AVEN: variants seen among roughly 807,000 people sequenced by gnomAD.
AVEN encodes the protein apoptosis and caspase activation inhibitor, also known as cell death regulator Aven.
Under a neutral mutation model 38.1 loss-of-function variants are expected in AVEN, and 41 were observed. The observed-to-expected ratio is 1.08, with a 90% CI of 0.84 to 1.40. The LOEUF is 1.40. Ranked by LOEUF, AVEN falls within the 40% of genes most tolerant of loss-of-function variation. The probability of loss-of-function intolerance (pLI) is 0.00; values close to 1 mark genes in which losing one functional copy is unlikely to be tolerated. For synonymous variants in AVEN, 206 were observed against 171.8 expected, an observed-to-expected ratio of 1.20 and a Z score of -1.56; for missense variants, 605 against 438.8, an observed-to-expected ratio of 1.38 and a Z score of -3.38.
At chr15:33,928,391 G>C (rs1893709398) in intron 2 of AVEN, among the ~76,000 whole-genome samples, 1 of 152,096 alleles carries the variant, frequency 6.6e-6, no homozygotes, top group Admixed American at 6.5e-5. Flanking sequence ...GAAAGCAAGG[G>C]ATCAATCTCT....
At chr15:34,037,179 C>T (rs1358165158) in intron 1 of AVEN, among the ~76,000 whole-genome samples, 1 of 151,822 alleles carries the variant, frequency 6.6e-6, no homozygotes, top group Non-Finnish European at 1.5e-5. Flanking sequence ...AAAACAGAAG[C>T]ACCTTCACTC....
intron 1 of AVEN, among the ~76,000 whole-genome samples, chr15:34,021,244 C>T (rs1263641410): frequency 6.6e-6 from 1 of 151,618 alleles, no homozygotes; most frequent in Non-Finnish European, 1.5e-5. Flanking sequence ...GTAGCTTAGG[C>T]TACAGGCACA....
intron 1 of AVEN, among the ~76,000 whole-genome samples, chr15:34,037,521 TTA>T (rs1899202631): frequency 6.7e-6 from 1 of 149,158 alleles, no homozygotes; most frequent in Admixed American, 6.7e-5. Flanking sequence ...TTACATACTA[TTA>T]TATTACATAA....
chr15:33,956,592 C>T (rs1184353266), intron 2 of AVEN, among the ~76,000 whole-genome samples: 3 of 152,274 alleles, frequency 2.0e-5, no homozygotes, highest in African/African-American at 4.8e-5. Context: ...CCTATCTCCC[C>T]TGCCCACACA....
chr15:34,016,427 A>T (rs1385082987), intron 1 of AVEN, among the ~76,000 whole-genome samples: 1 of 152,144 alleles, frequency 6.6e-6, no homozygotes, highest in Non-Finnish European at 1.5e-5. Context: ...TCACCTGGTC[A>T]ATTATCTGCT....
At chr15:33,867,346 A>T in intron 5 of AVEN, 149 bp downstream of exon 5, 1 of 1,165,628 alleles carries the variant, frequency 8.6e-7, no homozygotes, top group Non-Finnish European at 1.2e-6. Context: ...AGGGGGAAGC[A>T]GAGACGTGAG....
chr15:33,961,729 C>T (rs542835460), intron 2 of AVEN, among the ~76,000 whole-genome samples: 249 of 139,728 alleles, frequency 1.8e-3, no homozygotes, highest in Non-Finnish European at 2.9e-3. Context: ...AGGAGAATGG[C>T]GTGAACCCGG....
At chr15:33,979,810 G>A (rs2632086) in intron 2 of AVEN, among the ~76,000 whole-genome samples, 123,457 of 152,166 alleles carry the variant, frequency 0.81, 54,962 homozygotes, top group Non-Finnish European at 0.98. Flanking sequence ...AGCTCCAGTG[G>A]TCAAGAAAAA....
intron 2 of AVEN, among the ~76,000 whole-genome samples, chr15:33,983,336 T>C (rs550572917): frequency 5.9e-5 from 9 of 151,910 alleles, no homozygotes; most frequent in Non-Finnish European, 1.0e-4. Flanking sequence ...AAATCAATTA[T>C]TGATGTTTCA....
chr15:33,980,590 T>C (rs1024856243), intron 2 of AVEN, among the ~76,000 whole-genome samples: 4 of 149,880 alleles, frequency 2.7e-5, no homozygotes, highest in African/African-American at 9.8e-5. Flanking sequence ...ATGAGTATAT[T>C]AAAGCCTTGG....
At chr15:33,855,385 G>A (rs932464850), downstream of AVEN, among the ~76,000 whole-genome samples, 1 of 152,148 alleles carries the variant, frequency 6.6e-6, no homozygotes, top group African/African-American at 2.4e-5. Context: ...TGTATTTTTA[G>A]TAGAGACGGG....
At chr15:34,018,738 G>A (rs565747865) in intron 1 of AVEN, among the ~76,000 whole-genome samples, 4 of 152,186 alleles carry the variant, frequency 2.6e-5, no homozygotes, top group Non-Finnish European at 5.9e-5. Flanking sequence ...CCCTGCCCAC[G>A]TCCTACTGAT....
rs796303251 is a variant in AVEN, at chr15:33,914,837, C to T, written c.446-38842G>A. On this transcript the variant is annotated intron_variant, in intron 2 of 5. Coordinates refer to ENST00000306730, the MANE Select transcript of AVEN (RefSeq NM_020371.3). ...ATATCAGTATATGTACATATATGTA[C>T]ACATAAATGTATTCCTTAGCTCTCA... Among the ~76,000 whole-genome samples the T allele has an allele frequency of 1.1e-4, 16 of 151,936 alleles. 1 individual carries two copies. Among genetic ancestry groups the T allele is most frequent in the African/African-American group, 3.9e-4 (16 of 41,424 alleles).
intron 2 of AVEN, among the ~76,000 whole-genome samples, chr15:33,890,649 AT>A (rs1247363061): frequency 2.0e-5 from 3 of 152,202 alleles, no homozygotes; most frequent in Non-Finnish European, 4.4e-5. Flanking sequence ...GGAGAAAAAA[AT>A]GGCAGAGATC....
chr15:33,854,995 C>T (rs762407579), downstream of AVEN: 2 of 1,324,696 alleles, frequency 1.5e-6, no homozygotes, highest in Non-Finnish European at 2.0e-6. Context: ...CAGTATATGA[C>T]AGGAAGGAAT....
chr15:33,862,573 A>G (rs1298194770), downstream of AVEN, among the ~76,000 whole-genome samples: 1 of 152,194 alleles, frequency 6.6e-6, no homozygotes, highest in Non-Finnish European at 1.5e-5. Flanking sequence ...TGGCAAAGAT[A>G]ACATGTTTTT....
intron 11 of AVEN, chr15:33,860,701 TC>T (rs1362967059): frequency 1.5e-6 from 2 of 1,360,256 alleles, no homozygotes; most frequent in Non-Finnish European, 2.0e-6. Flanking sequence ...TATTTTAATA[TC>T]CCCAGAAGCA....
chr15:33,979,664 T>G (rs1896049713), intron 2 of AVEN, among the ~76,000 whole-genome samples: 1 of 152,220 alleles, frequency 6.6e-6, no homozygotes, highest in African/African-American at 2.4e-5. Flanking sequence ...GTTTTCAGAA[T>G]GAACATTCTA....
chr15:33,976,292 A>G (rs1296174146), intron 2 of AVEN, among the ~76,000 whole-genome samples: 2 of 152,206 alleles, frequency 1.3e-5, no homozygotes, highest in African/African-American at 2.4e-5. Flanking sequence ...AGGAATTCTC[A>G]TAACTATTCA....
Sources: allele counts gnomAD v4.1 joint callset (sites outside exome capture counted in the v4.1 genomes callset), GRCh38; gene constraint gnomAD v4.1.1; transcripts MANE v1.5; gene names NCBI Gene and HGNC (gene_info 2026-07-23, HGNC 2026-07-21).